STARD7: variants seen among roughly 807,000 people sequenced by gnomAD.
The protein encoded by STARD7 is StAR related lipid transfer domain containing 7.
A neutral mutation model predicts 45.3 loss-of-function variants in STARD7; 30 were observed. That is an observed-to-expected ratio of 0.66 (90% confidence interval 0.50 to 0.90). The LOEUF (loss-of-function observed/expected upper bound fraction) is 0.90. STARD7 is among the 40% of genes least tolerant of loss of function. STARD7 has a pLI of 0.00. For missense variants in STARD7, 495 were observed against 491.3 expected, an observed-to-expected ratio of 1.01 and a Z score of -0.07; for synonymous variants, 199 against 183.0, an observed-to-expected ratio of 1.09 and a Z score of -0.70.
chr2:96,204,953 G>A (rs995886563), intron 1 of STARD7, among the ~76,000 whole-genome samples: 9 of 152,096 alleles, frequency 5.9e-5, no homozygotes, highest in African/African-American at 2.2e-4. Flanking sequence ...AAAACTATGA[G>A]GAGGTTAATG....
Position 96,208,525 on chromosome 2 carries a change from G to A in STARD7, c.-91C>T, listed in dbSNP as rs1683444759. 2 of 1,167,930 alleles carry A rather than the reference G, an allele frequency of 1.7e-6. No homozygotes were observed. The highest frequency in any genetic ancestry group is 2.1e-5 in the South Asian group (1 of 46,544). The allele number at this position is 1,167,930 out of a possible 1,614,324, so 72.3% of individuals were successfully genotyped here. A position where few individuals can be genotyped will look rare whatever the true frequency, so the allele number is the denominator to read the frequency against. ...CGGTGGTCGCAGCGTCCCCCTAAAT[G>A]GCCGGCCACGAACCCGTCTCACGGT... On this transcript the variant is annotated 5_prime_UTR_variant, in exon 1 of 8. Transcript: ENST00000337288.
In STARD7 at chr2:96,205,888, T is replaced by C. The variant is rs188146606; in HGVS notation, c.290+2257A>G. ...ACAACATGATCAAATTTTAATTACA[T>C]GAAAAACCAAATTCAAGCATGAACC... On this transcript the variant is annotated intron_variant, in intron 1 of 7. Transcript: ENST00000337288. Among the ~76,000 whole-genome samples the C allele has an allele frequency of 2.0e-5, 3 of 152,268 alleles. No homozygotes were observed. The East Asian group carries it at 5.8e-4, about 29-fold the overall frequency.
intron 3 of STARD7, among the ~76,000 whole-genome samples, 186 bp from the exon 4 acceptor site, chr2:96,193,538 C>T (rs1683158439): frequency 1.3e-5 from 2 of 152,162 alleles, no homozygotes; most frequent in South Asian, 4.1e-4. Context: ...TTCAAAATCA[C>T]CTTATACAGG....
At chr2:96,194,272 G>T (rs948602061) in intron 3 of STARD7, among the ~76,000 whole-genome samples, 1 of 151,902 alleles carries the variant, frequency 6.6e-6, no homozygotes, top group Non-Finnish European at 1.5e-5. Flanking sequence ...AGGATCACTT[G>T]AGTCCAGGAA....
chr2:96,197,105 A>AAACAAC lies in STARD7; in HGVS notation c.291-1557_291-1556insGTTGTT, dbSNP rs1558735872. 5.6e-5 allele frequency among the ~76,000 whole-genome samples: 8 copies of AAACAAC among 141,602 alleles called. 1 individual carries two copies. In the East Asian group the frequency reaches 1.0e-3, roughly 18 times the overall value. The allele number at this position is 141,602 out of a possible 152,430, so 92.9% of individuals were successfully genotyped here. ...ATAAAATAAAATAAAATAAAATAAA[A>AAACAAC]TAAAATAAAATAAAATAAAGCCAAG... On this transcript the variant is annotated intron_variant, in intron 1 of 7. Coordinates refer to ENST00000337288, the MANE Select transcript of STARD7 (RefSeq NM_020151.4).
At chr2:96,208,071 G>T in intron 1 of STARD7, 74 bp downstream of exon 1, 1 of 1,388,606 alleles carries the variant, frequency 7.2e-7, no homozygotes. Flanking sequence ...AAGGGCCAAC[G>T]ACCACAGGGC....
chr2:96,184,921 G>A lies in STARD7; in HGVS notation c.*1809C>T, dbSNP rs530130514. 1 of 152,630 alleles carries A rather than the reference G, an allele frequency of 6.6e-6. No individual in the cohort carries two copies. The highest frequency in any genetic ancestry group is 2.1e-4 in the South Asian group (1 of 4,834). 9.5% of individuals were successfully genotyped at this position (152,630 alleles called of 1,614,324 possible). Reference sequence around the variant, plus strand: ...TTTGATAAAAATGTCACAGTTAGGAGTGAAATCATTACAATGACATGAGTA... The same window carrying A: ...TTTGATAAAAATGTCACAGTTAGGAATGAAATCATTACAATGACATGAGTA... On this transcript the variant is annotated 3_prime_UTR_variant, in exon 8 of 8. Coordinates refer to ENST00000337288, the MANE Select transcript of STARD7 (RefSeq NM_020151.4).
At position 96,208,303 on chromosome 2, in the gene STARD7, G is replaced by C. The variant is rs372219927; in HGVS notation, c.132C>G (p.Leu44=). The C allele has an allele frequency of 1.9e-5, 30 of 1,608,864 alleles. No homozygotes were observed. In the African/African-American group the frequency reaches 3.6e-4, roughly 19 times the overall value. Residue 44 remains leucine, a synonymous_variant, in exon 1 of 8, where the codon CTC becomes CTG. Transcript: ENST00000337288. The stretch of plus-strand genomic sequence containing the variant: ...AGCTCTCGGAGTAGAGGCGGCCGTA[G>C]AGCTGCGCGATCTGCTGCGCGCGCC... The part of the protein sequence containing the change: ...RVRRAQQIAQ[L]YGRLYSESSR...
chr2:96,187,533 T>C (rs1042120190), intron 6 of STARD7: 1 of 459,348 alleles, frequency 2.2e-6, no homozygotes, highest in Admixed American at 3.6e-5. Context: ...AGTTAGCTGA[T>C]ATGGGTGGCT....
intron 1 of STARD7, among the ~76,000 whole-genome samples, chr2:96,207,720 T>C (rs139492110): frequency 6.6e-6 from 1 of 152,254 alleles, no homozygotes; most frequent in African/African-American, 2.4e-5. Flanking sequence ...CAGGCCTGAG[T>C]CCCATCTGGA....
chr2:96,193,499 ACATGG>A, intron 3 of STARD7, 147 bp from the exon 4 acceptor site: 1 of 643,462 alleles, frequency 1.6e-6, no homozygotes, highest in Non-Finnish European at 2.8e-6. Flanking sequence ...AGTGTGAGAG[ACATGG>A]CTGTGTTTAC....
chr2:96,208,322 G>T lies in STARD7; in HGVS notation c.113C>A (p.Ala38Glu). 6.2e-7 allele frequency: 1 copy of T among 1,605,760 alleles called. No homozygotes were observed. The highest frequency in any genetic ancestry group is 8.5e-7 in the Non-Finnish European group (1 of 1,178,076). ...GCCGTAGAGCTGCGCGATCTGCTGCGCGCGCCGCACGCGCAGGCCCGTGAC... is the reference window on the plus strand; with the variant it reads ...GCCGTAGAGCTGCGCGATCTGCTGCTCGCGCCGCACGCGCAGGCCCGTGAC... Reference protein sequence around the residue: ...RFVTGLRVRRAQQIAQLYGRL... With the variant: ...RFVTGLRVRREQQIAQLYGRL... Residue 38 changes from alanine to glutamate, a missense_variant, in exon 1 of 8, where the codon GCG becomes GAG. Coordinates refer to ENST00000337288, the MANE Select transcript of STARD7 (RefSeq NM_020151.4).
At chr2:96,203,300 CAA>C (rs1683334829) in intron 1 of STARD7, among the ~76,000 whole-genome samples, 1 of 152,046 alleles carries the variant, frequency 6.6e-6, no homozygotes, top group South Asian at 2.1e-4. Flanking sequence ...GACAGAAGGA[CAA>C]AAGAGATTAT....
At chr2:96,207,422 A>C (rs1683411092) in intron 1 of STARD7, among the ~76,000 whole-genome samples, 1 of 152,228 alleles carries the variant, frequency 6.6e-6, no homozygotes, top group African/African-American at 2.4e-5. Context: ...CCAAAAACCA[A>C]AGCAAAGTTT....
chr2:96,207,380 C>T (rs1243425937), intron 1 of STARD7, among the ~76,000 whole-genome samples: 1 of 152,168 alleles, frequency 6.6e-6, no homozygotes, highest in African/African-American at 2.4e-5. Flanking sequence ...TTAAGAATAT[C>T]TGTTGCAAAG....
At chr2:96,191,645 A>G (rs1463228994) in intron 6 of STARD7, among the ~76,000 whole-genome samples, 3 of 150,418 alleles carry the variant, frequency 2.0e-5, no homozygotes, top group African/African-American at 7.4e-5. Flanking sequence ...CTCTCTATCC[A>G]GTGTACTTTT....
chr2:96,188,324 G>A (rs549729722), intron 6 of STARD7, among the ~76,000 whole-genome samples: 9 of 121,494 alleles, frequency 7.4e-5, no homozygotes, highest in African/African-American at 2.5e-4. Context: ...TGCCCAGGAT[G>A]GAGGGCAATG....
chr2:96,197,553 T>G (rs1229197415), intron 1 of STARD7, among the ~76,000 whole-genome samples: 1 of 152,268 alleles, frequency 6.6e-6, no homozygotes, highest in Non-Finnish European at 1.5e-5. Context: ...TATAAGTATG[T>G]ATGTATTTTT....
rs58952475 is a variant in STARD7 at position 96,189,706 on chromosome 2, C to CAAA, written c.844-2408_844-2406dup. Among the ~76,000 whole-genome samples, 71 of 82,986 alleles carry CAAA rather than the reference C, an allele frequency of 8.6e-4. 2 individuals are homozygous for CAAA. Among genetic ancestry groups the CAAA allele is most frequent in the Admixed American group, 1.8e-3 (15 of 8,148 alleles). 54.4% of individuals were successfully genotyped at this position (82,986 alleles called of 152,430 possible). ...GCACAACAGAACGAGACTCCGTCTC[C>CAAA]AAAAAAAAAAAAAAAAAATCAATAT... On this transcript the variant is annotated intron_variant, in intron 6 of 7. Transcript: ENST00000337288.
Sources: gnomAD v4.1 joint callset for allele counts (sites outside exome capture counted in the v4.1 genomes callset) on GRCh38, gnomAD v4.1.1 for gene constraint, MANE v1.5 for transcripts, NCBI Gene and HGNC (gene_info 2026-07-23, HGNC 2026-07-21) for gene names.